The following UBE2R2 variants were observed in gnomAD, a reference collection of about 807,000 sequenced individuals.
The protein encoded by UBE2R2 is ubiquitin conjugating enzyme E2 R2.
In UBE2R2, 1 loss-of-function variant was observed where a neutral mutation model predicts 27.8. The ratio of observed to expected loss-of-function variants is 0.04; its 90% CI spans 0.01 to 0.17. The LOEUF is 0.17. Ranked by LOEUF, UBE2R2 falls within the 10% of genes least tolerant of loss-of-function variation. The pLI is 1.00. For synonymous variants in UBE2R2, 106 were observed against 113.3 expected, an observed-to-expected ratio of 0.94 and a Z score of 0.41; for missense variants, 100 against 291.0, an observed-to-expected ratio of 0.34 and a Z score of 4.78.
intron 2 of UBE2R2, among the ~76,000 whole-genome samples, chr9:33,896,658 C>G (rs974351142): frequency 7.3e-5 from 11 of 151,308 alleles, no homozygotes; most frequent in African/African-American, 2.7e-4. Context: ...CCGTGTTAGC[C>G]AGGATGGTCT....
At chr9:33,855,188 C>A (rs1376468797) in intron 1 of UBE2R2, among the ~76,000 whole-genome samples, 3 of 152,052 alleles carry the variant, frequency 2.0e-5, no homozygotes, top group African/African-American at 7.2e-5. Context: ...ACATACTGCC[C>A]CTCATGGCAT....
intron 1 of UBE2R2, chr9:33,868,687 C>T (rs1821416759): frequency 6.6e-6 from 1 of 152,062 alleles, no homozygotes; most frequent in African/African-American, 2.4e-5. Context: ...CTCTACCCTC[C>T]CCCCAAAAAA....
chr9:33,917,264 C>A lies in UBE2R2; in HGVS notation c.*27C>A. On this transcript the variant is annotated 3_prime_UTR_variant, in exon 5 of 5. Transcript: ENST00000263228. ...GTGCTCCTTCAGTGCCCCTGTACTG[C>A]CCTGCCATCTCAGGCCAAAGGGAGG... 7 of 1,611,360 alleles carry A rather than the reference C, an allele frequency of 4.3e-6. No homozygotes were observed. Among genetic ancestry groups the A allele is most frequent in the Non-Finnish European group, 5.9e-6 (7 of 1,178,752 alleles).
intron 4 of UBE2R2, among the ~76,000 whole-genome samples, chr9:33,914,196 T>G (rs1009525372): frequency 3.3e-5 from 5 of 152,202 alleles, no homozygotes; most frequent in South Asian, 2.1e-4. Flanking sequence ...CCATGTAGTA[T>G]TATACCTATA....
At chr9:33,883,249 C>G (rs1263241537) in intron 1 of UBE2R2, among the ~76,000 whole-genome samples, 1 of 152,078 alleles carries the variant, frequency 6.6e-6, no homozygotes. Context: ...TTATCTTAGT[C>G]CTCCAATTCA....
chr9:33,906,185 C>T (rs762728622), intron 3 of UBE2R2, among the ~76,000 whole-genome samples: 4 of 152,010 alleles, frequency 2.6e-5, no homozygotes, highest in Non-Finnish European at 5.9e-5. Flanking sequence ...TGCAATGGTG[C>T]GATCTCAGCT....
chr9:33,843,364 T>TA (rs753178335), intron 1 of UBE2R2, among the ~76,000 whole-genome samples: 71 of 148,914 alleles, frequency 4.8e-4, no homozygotes, highest in South Asian at 1.9e-3. Context: ...GACCTCTTTT[T>TA]AAAAAAAAAA....
chr9:33,916,018 G>C (rs961961502), intron 4 of UBE2R2, among the ~76,000 whole-genome samples: 1 of 152,180 alleles, frequency 6.6e-6, no homozygotes, highest in South Asian at 2.1e-4. Context: ...AGACCAGGGT[G>C]AATGTGTTGA....
chr9:33,911,929 G>A (rs1433574286), intron 3 of UBE2R2, 35 bp from the exon 4 acceptor site: 3 of 1,583,980 alleles, frequency 1.9e-6, no homozygotes, highest in Non-Finnish European at 1.7e-6. Flanking sequence ...TGTAAATATG[G>A]GTATTCATAG....
intron 1 of UBE2R2, among the ~76,000 whole-genome samples, chr9:33,833,647 CAT>C (rs1820547637): frequency 6.6e-6 from 1 of 152,214 alleles, no homozygotes. Context: ...TGTGGTGAAT[CAT>C]ATAATTACCA....
chr9:33,824,241 C>G (rs1587423448), intron 1 of UBE2R2, among the ~76,000 whole-genome samples: 1 of 151,944 alleles, frequency 6.6e-6, no homozygotes, highest in Admixed American at 6.6e-5. Context: ...CCTGTAATCC[C>G]AGGACTTTGG....
At chr9:33,850,252 G>T (rs975044674) in intron 1 of UBE2R2, among the ~76,000 whole-genome samples, 1 of 152,148 alleles carries the variant, frequency 6.6e-6, no homozygotes. Flanking sequence ...GACCATTAAG[G>T]ATTGGATTGA....
intron 1 of UBE2R2, chr9:33,868,692 A>G (rs572212525): frequency 6.6e-6 from 1 of 152,098 alleles, no homozygotes; most frequent in Non-Finnish European, 1.5e-5. Context: ...CCCTCCCCCC[A>G]AAAAATATGT....
intron 1 of UBE2R2, among the ~76,000 whole-genome samples, chr9:33,825,071 A>C (rs1587424190): frequency 6.6e-6 from 1 of 152,232 alleles, no homozygotes; most frequent in East Asian, 1.9e-4. Context: ...GGACTCATTA[A>C]AGGAAAAGCA....
chr9:33,830,089 G>A (rs550594287), intron 1 of UBE2R2, among the ~76,000 whole-genome samples: 4 of 151,298 alleles, frequency 2.6e-5, no homozygotes, highest in South Asian at 4.2e-4. Flanking sequence ...GAGCCACCGC[G>A]CCCAGCCTAA....
At chr9:33,843,180 C>T (rs1479930298) in intron 1 of UBE2R2, among the ~76,000 whole-genome samples, 1 of 150,798 alleles carries the variant, frequency 6.6e-6, no homozygotes, top group Non-Finnish European at 1.5e-5. Context: ...TCCCAAATAG[C>T]TGGGATTACA....
chr9:33,822,567 C>T (rs1355666701), intron 1 of UBE2R2, among the ~76,000 whole-genome samples: 2 of 150,480 alleles, frequency 1.3e-5, no homozygotes, highest in Non-Finnish European at 2.9e-5. Flanking sequence ...GCTGGGACTG[C>T]AGGTGCATAC....
intron 1 of UBE2R2, among the ~76,000 whole-genome samples, chr9:33,834,920 A>AAAAG (rs1554671361): frequency 2.7e-5 from 4 of 148,498 alleles, no homozygotes; most frequent in Non-Finnish European, 6.0e-5. Context: ...CAGGAAAAAA[A>AAAAG]AAAACAAAAG....
At chr9:33,849,745 T>G (rs1252533222) in intron 1 of UBE2R2, among the ~76,000 whole-genome samples, 1 of 150,720 alleles carries the variant, frequency 6.6e-6, no homozygotes, top group Non-Finnish European at 1.5e-5. Context: ...TAGTTCCAGC[T>G]GCCTAGGAGG....
Sources: allele counts gnomAD v4.1 joint callset (sites outside exome capture counted in the v4.1 genomes callset), GRCh38; gene constraint gnomAD v4.1.1; transcripts MANE v1.5; gene names NCBI Gene and HGNC (gene_info 2026-07-23, HGNC 2026-07-21).